Variants in FAT1 observed in about 807,000 individuals in gnomAD.
FAT1 encodes protocadherin Fat 1.
In FAT1, 171 loss-of-function variants were observed where a neutral mutation model predicts 329.8. The ratio of observed to expected loss-of-function variants is 0.52; its 90% CI spans 0.46 to 0.59. FAT1 has a LOEUF of 0.59. Among genes scored for constraint, FAT1 ranks in the 20% least tolerant of loss-of-function variants. The probability of loss-of-function intolerance (pLI) is 0.00; values close to 1 mark genes in which losing one functional copy is unlikely to be tolerated. For synonymous variants in FAT1, 2,233 were observed against 2,228.6 expected (o/e 1.00, Z -0.06); for missense variants, 5,672 against 5,774.4 (o/e 0.98, Z 0.57).
intron 3 of FAT1, among the ~76,000 whole-genome samples, chr4:186,645,391 AT>A (rs1560962361): frequency 0.019 from 1,854 of 95,716 alleles, 263 homozygotes; most frequent in East Asian, 0.17. Context: ...ATATATATAT[AT>A]ATATATATAT....
chr4:186,662,859 T>C (rs915415388), intron 3 of FAT1, among the ~76,000 whole-genome samples: 10 of 151,880 alleles, frequency 6.6e-5, no homozygotes, highest in African/African-American at 9.7e-5. Flanking sequence ...TTTTTTGAGA[T>C]GGAGTCTCAC....
intron 26 of FAT1, 148 bp downstream of exon 26, chr4:186,595,541 C>CA: frequency 1.2e-6 from 1 of 808,868 alleles, no homozygotes; most frequent in Non-Finnish European, 1.9e-6. Context: ...GACATTCATG[C>CA]AAGTATGTAT....
At chr4:186,623,842 A>ATCGGCCATGCAAGAT (rs1740165037) in intron 9 of FAT1, among the ~76,000 whole-genome samples, 2 of 152,262 alleles carry the variant, frequency 1.3e-5, no homozygotes, top group Non-Finnish European at 2.9e-5. Context: ...CTTGCTCTTT[A>ATCGGCCATGCAAGAT]TCGGCCATGC....
rs146593417 is a variant in FAT1, at chr4:186,631,285, A to T, written c.4323+2399T>A. Among the ~76,000 whole-genome samples, 86 of 151,324 alleles carry T rather than the reference A, an allele frequency of 5.7e-4. No individual in the cohort carries two copies. In the East Asian group the frequency reaches 0.015, roughly 27 times the overall value. On this transcript the variant is annotated intron_variant, in intron 7 of 26. Transcript: ENST00000441802. Reference sequence around the variant, plus strand: ...ATCCTAGTGTCTCATCTCCCAGCTGATCCCTCTGCTCTTCAATCCATCCCC... The same window carrying T: ...ATCCTAGTGTCTCATCTCCCAGCTGTTCCCTCTGCTCTTCAATCCATCCCC...
chr4:186,604,717 T>C lies in FAT1; in HGVS notation c.10351-143A>G, dbSNP rs141526936. ...CTATCTGAAAGGAAGAGAAGAAAGGTGGAGACGGGAGTGTGGTGGTGAGGA... is the reference window on the plus strand; with the variant it reads ...CTATCTGAAAGGAAGAGAAGAAAGGCGGAGACGGGAGTGTGGTGGTGAGGA... On this transcript the variant is annotated intron_variant, in intron 17 of 26. Transcript: ENST00000441802. 162 of 548,166 alleles carry C rather than the reference T, an allele frequency of 3.0e-4. No individual in the cohort carries two copies. The African/African-American group carries it at 3.0e-3, about 10-fold the overall frequency. The allele number at this position is 548,166 out of a possible 1,614,324, so 34.0% of individuals were successfully genotyped here.
At position 186,622,913 on chromosome 4, in the gene FAT1, G is replaced by T. The variant is rs1740117594; in HGVS notation, c.4811-1138C>A. On this transcript the variant is annotated intron_variant, in intron 9 of 26. Coordinates refer to ENST00000441802, the MANE Select transcript of FAT1 (RefSeq NM_005245.4). ...CACTTAACTGCTTTCTCAGATTCTT[G>T]CTCTAGGTTTGCCACGAGTGTGGCA... Among the ~76,000 whole-genome samples the T allele has an allele frequency of 2.6e-5, 4 of 152,322 alleles. No individual in the cohort carries two copies. In the South Asian group the frequency reaches 8.3e-4, roughly 32 times the overall value.
At chr4:186,680,511 A>G (rs1259709465) in intron 2 of FAT1, among the ~76,000 whole-genome samples, 1 of 152,038 alleles carries the variant, frequency 6.6e-6, no homozygotes, top group Non-Finnish European at 1.5e-5. Context: ...GAAGAAAAAC[A>G]CTCCCAAATA....
At chr4:186,636,515 A>C (rs1285018670) in intron 5 of FAT1, 70 bp downstream of exon 5, 3 of 1,448,328 alleles carry the variant, frequency 2.1e-6, no homozygotes, top group Admixed American at 2.3e-5. Context: ...AAAGTTACTA[A>C]AGAAAAAATA....
intron 2 of FAT1, among the ~76,000 whole-genome samples, chr4:186,671,607 G>T (rs1290110663): frequency 1.3e-5 from 2 of 152,046 alleles, no homozygotes; most frequent in African/African-American, 4.8e-5. Flanking sequence ...GCTGAGGTAG[G>T]AGAATCACTT....
chr4:186,647,648 T>G (rs1439907166), intron 3 of FAT1, among the ~76,000 whole-genome samples: 1 of 152,190 alleles, frequency 6.6e-6, no homozygotes, highest in Non-Finnish European at 1.5e-5. Context: ...AGCATTATTC[T>G]GACAAACCCT....
intron 12 of FAT1, 78 bp from the exon 13 acceptor site, chr4:186,613,420 G>A (rs1739558614): frequency 9.2e-7 from 1 of 1,090,758 alleles, no homozygotes; most frequent in African/African-American, 1.5e-5. Context: ...CTCCCCTTTT[G>A]TCTTTCAATT....
chr4:186,648,507 T>C (rs1193120142), intron 3 of FAT1, among the ~76,000 whole-genome samples: 1 of 152,154 alleles, frequency 6.6e-6, no homozygotes, highest in Non-Finnish European at 1.5e-5. Flanking sequence ...TTTAATGAAA[T>C]GGATCACGGG....
rs1738610499 is a variant in FAT1, at chr4:186,597,914, A to G, written c.12257+58T>C. The G allele has an allele frequency of 3.6e-5, 57 of 1,576,266 alleles. No homozygotes were observed. The South Asian group carries it at 5.7e-4, about 16-fold the overall frequency. ...GTGCAGACTTTTTACATGTACCATT[A>G]TATGTTTAAGAATTTTATACTACAA... On this transcript the variant is annotated intron_variant, in intron 23 of 26. Transcript: ENST00000441802.
chr4:186,688,299 T>C (rs1157539379), intron 2 of FAT1, among the ~76,000 whole-genome samples: 3 of 151,960 alleles, frequency 2.0e-5, no homozygotes, highest in Non-Finnish European at 4.4e-5. Context: ...TTTCCTTTCA[T>C]TATGTGTGAA....
Position 186,638,994 on chromosome 4 carries a change from C to T in FAT1, c.3642+728G>A, listed in dbSNP as rs140150609. Among the ~76,000 whole-genome samples the T allele has an allele frequency of 2.3e-4, 34 of 149,696 alleles. 1 individual carries two copies. Among genetic ancestry groups the T allele is most frequent in the African/African-American group, 7.2e-4 (28 of 39,088 alleles). The stretch of plus-strand genomic sequence containing the variant: ...TCTCATCAACCTGATGTCCATGTTA[C>T]GCTCCACCTTCCCTCTCCAAATTAC... On this transcript the variant is annotated intron_variant, in intron 4 of 26. Transcript: ENST00000441802.
At chr4:186,691,374 A>C (rs898295831) in intron 2 of FAT1, among the ~76,000 whole-genome samples, 15 of 152,214 alleles carry the variant, frequency 9.9e-5, no homozygotes, top group Admixed American at 6.5e-5. Flanking sequence ...TATATCCAAG[A>C]CTTACTGTTT....
At chr4:186,591,900 T>G (rs568885422) in intron 26 of FAT1, among the ~76,000 whole-genome samples, 1 of 152,284 alleles carries the variant, frequency 6.6e-6, no homozygotes, top group South Asian at 2.1e-4. Context: ...GTGTACTCGA[T>G]GGCCTCTGTA....
At chr4:186,647,463 T>C (rs1037776639) in intron 3 of FAT1, among the ~76,000 whole-genome samples, 2 of 152,176 alleles carry the variant, frequency 1.3e-5, no homozygotes, top group South Asian at 2.1e-4. Context: ...TTAATTCACA[T>C]AGACAACTCT....
At chr4:186,612,966 A>G (rs1039876480) in intron 13 of FAT1, 143 bp downstream of exon 13, 5 of 594,594 alleles carry the variant, frequency 8.4e-6, no homozygotes, top group Non-Finnish European at 1.5e-5. Flanking sequence ...TAATTATTCT[A>G]AAGATTTCCT....
Sources: gnomAD v4.1 joint callset for allele counts (sites outside exome capture counted in the v4.1 genomes callset) on GRCh38, gnomAD v4.1.1 for gene constraint, MANE v1.5 for transcripts, NCBI Gene and HGNC (gene_info 2026-07-23, HGNC 2026-07-21) for gene names.